ALDH1A3: variants seen among roughly 807,000 people sequenced by gnomAD.
ALDH1A3 encodes the protein aldehyde dehydrogenase 1 family member A3.
In ALDH1A3, 28 loss-of-function variants were observed where a neutral mutation model predicts 57.5. That is an observed-to-expected ratio of 0.49 (90% CI 0.36 to 0.67). ALDH1A3 has a LOEUF of 0.67. Among genes scored for constraint, ALDH1A3 ranks in the 30% least tolerant of loss-of-function variants. ALDH1A3 has a pLI of 0.00. For synonymous variants in ALDH1A3, 281 were observed against 264.8 expected, an observed-to-expected ratio of 1.06 and a Z score of -0.59; for missense variants, 507 against 669.4, an observed-to-expected ratio of 0.76 and a Z score of 2.68.
chr15:100,897,145 C>T (rs1245820404), intron 7 of ALDH1A3, among the ~76,000 whole-genome samples: 1 of 152,252 alleles, frequency 6.6e-6, no homozygotes, highest in African/African-American at 2.4e-5. Context: ...TGCTGTTACT[C>T]TCCTTGGAGA....
Position 100,915,011 on chromosome 15 carries a change from A to G in ALDH1A3, c.*238A>G. ...CTGCCTGGGGAGGGAGCTGTTGGCC[A>G]TTTCTGTGTTTCCCTTTAAACCAGA... On this transcript the variant is annotated 3_prime_UTR_variant, in exon 13 of 13. Coordinates refer to ENST00000329841, the MANE Select transcript of ALDH1A3 (RefSeq NM_000693.4). 1 of 530,266 alleles carries G rather than the reference A, an allele frequency of 1.9e-6. No individual in the cohort carries two copies. The highest frequency in any genetic ancestry group is 3.4e-6 in the Non-Finnish European group (1 of 293,992). The allele number at this position is 530,266 out of a possible 1,614,324, so 32.8% of individuals were successfully genotyped here. A position where few individuals can be genotyped will look rare whatever the true frequency, so the allele number is the denominator to read the frequency against.
chr15:100,892,273 T>TGTC, intron 3 of ALDH1A3: 1 of 512,978 alleles, frequency 1.9e-6, no homozygotes. Context: ...GTCTATGTTT[T>TGTC]AGCCCACCAC....
Position 100,885,341 on chromosome 15 carries a change from G to T in ALDH1A3, c.174G>T (p.Glu58Asp). The change falls in exon 2 of 13, where the codon GAG becomes GAT. Residue 58 changes from glutamate (E) to aspartate (D), a missense_variant. This residue lies in a region of ALDH1A3 where 432 missense variants were observed against 608.4 expected (regional missense o/e 0.71). Coordinates refer to ENST00000329841, the MANE Select transcript of ALDH1A3 (RefSeq NM_000693.4). ...CTACATGTAACCCTTCAACTCGGGA[G>T]CAAATATGTGAAGTGGAAGAAGGAG... ...KFATCNPSTR[E>D]QICEVEEGDK... 1 of 1,613,328 alleles carries T rather than the reference G, an allele frequency of 6.2e-7. No homozygotes were observed.
intron 12 of ALDH1A3, among the ~76,000 whole-genome samples, chr15:100,909,422 CTGTG>C (rs1567174617): frequency 1.4e-5 from 2 of 147,298 alleles, no homozygotes; most frequent in Admixed American, 6.8e-5. Flanking sequence ...AACCCCTCCA[CTGTG>C]TGTGCAAACC....
Position 100,893,609 on chromosome 15 carries a change from C to G in ALDH1A3, c.538-345C>G, listed in dbSNP as rs116827171. On this transcript the variant is annotated intron_variant, in intron 5 of 12. Transcript: ENST00000329841. The surrounding 1 kb of genome is among the most constrained non-coding windows in gnomAD (Gnocchi z 4.8). ...AGCCTCTGGCCATTGCAACAACAGC[C>G]AGGCAGGAAGCTGAAGAGCCAGGTG... 706 of 211,832 alleles carry G rather than the reference C, an allele frequency of 3.3e-3. 8 individuals carry two copies. The highest frequency in any genetic ancestry group is 0.015 in the African/African-American group (651 of 43,802). 13.1% of individuals were successfully genotyped at this position (211,832 alleles called of 1,614,324 possible).
chr15:100,888,204 T>C (rs2041615596), intron 3 of ALDH1A3, among the ~76,000 whole-genome samples: 1 of 152,152 alleles, frequency 6.6e-6, no homozygotes, highest in Non-Finnish European at 1.5e-5. Flanking sequence ...GTTAAAATGA[T>C]TCTCTTGCCT....
chr15:100,891,574 C>A (rs2041650451), intron 3 of ALDH1A3, among the ~76,000 whole-genome samples: 1 of 152,246 alleles, frequency 6.6e-6, no homozygotes, highest in Non-Finnish European at 1.5e-5. Flanking sequence ...GGAATGCAGT[C>A]ATGGAGCTCA....
At position 100,889,058 on chromosome 15, in the gene ALDH1A3, G is replaced by C. The variant is rs571286349; in HGVS notation, c.345+1346G>C. 5 of 152,360 alleles carry C rather than the reference G, an allele frequency of 3.3e-5. No homozygotes were observed. The highest frequency in any genetic ancestry group is 7.2e-5 in the African/African-American group (3 of 41,582). The allele number at this position is 152,360 out of a possible 1,614,324, so 9.4% of individuals were successfully genotyped here. On this transcript the variant is annotated intron_variant, in intron 3 of 12. Coordinates refer to ENST00000329841, the MANE Select transcript of ALDH1A3 (RefSeq NM_000693.4). The surrounding 1 kb of genome is among the most constrained non-coding windows in gnomAD (Gnocchi z 5.1). ...GACCCTCCTCTGGTCATGAGGGAGTGATCAGAGGACATCTCAGGGCCACGT... is the reference window on the plus strand; with the variant it reads ...GACCCTCCTCTGGTCATGAGGGAGTCATCAGAGGACATCTCAGGGCCACGT...
chr15:100,897,466 G>A (rs1488013190), intron 7 of ALDH1A3, among the ~76,000 whole-genome samples: 1 of 152,256 alleles, frequency 6.6e-6, no homozygotes, highest in Non-Finnish European at 1.5e-5. Flanking sequence ...GGGGCCTTGA[G>A]CATGACTGGT....
At chr15:100,888,531 A>T (rs2041619251) in intron 3 of ALDH1A3, 1 of 152,252 alleles carries the variant, frequency 6.6e-6, no homozygotes, top group Non-Finnish European at 1.5e-5. Context: ...CACTTAACAT[A>T]GAAAAAATTG....
At position 100,905,616 on chromosome 15, in the gene ALDH1A3, G is replaced by T; in HGVS notation, c.1162G>T (p.Asp388Tyr). The T allele has an allele frequency of 6.2e-7, 1 of 1,613,266 alleles. No individual in the cohort carries two copies. Among genetic ancestry groups the T allele is most frequent in the African/African-American group, 1.3e-5 (1 of 74,982 alleles). The change falls in exon 10 of 13, where the codon GAC becomes TAC. Residue 388 changes from aspartate (D) to tyrosine (Y), a missense_variant. By Grantham distance (160) the Asp-to-Tyr change is radical. Coordinates refer to ENST00000329841, the MANE Select transcript of ALDH1A3 (RefSeq NM_000693.4). Reference sequence around the variant, plus strand: ...GGAATGCGGGGGCTCAGCCATGGAAGACAAGGGGCTCTTCATCAAACCCAC... The same window carrying T: ...GGAATGCGGGGGCTCAGCCATGGAATACAAGGGGCTCTTCATCAAACCCAC... Reference protein sequence around the residue: ...KLECGGSAMEDKGLFIKPTVF... With the variant: ...KLECGGSAMEYKGLFIKPTVF...
chr15:100,914,002 G>A (rs7176046), intron 12 of ALDH1A3: 2 of 152,208 alleles, frequency 1.3e-5, no homozygotes, highest in African/African-American at 4.8e-5. Flanking sequence ...CCCTGAAGAC[G>A]GCCCATGGTG....
intron 1 of ALDH1A3, among the ~76,000 whole-genome samples, chr15:100,883,649 T>G (rs62019419): frequency 5.2e-4 from 39 of 74,426 alleles, no homozygotes; most frequent in East Asian, 1.2e-3. Context: ...TTTTTGTGGG[T>G]TTTTTTTTTT....
In ALDH1A3 at chr15:100,879,923, G is replaced by A. The variant is rs990181521; in HGVS notation, c.16G>A (p.Gly6Arg). The A allele has an allele frequency of 6.8e-7, 1 of 1,463,308 alleles. No homozygotes were observed. Among genetic ancestry groups the A allele is most frequent in the Non-Finnish European group, 9.0e-7 (1 of 1,106,092 alleles). The allele number at this position is 1,463,308 out of a possible 1,614,324, so 90.6% of individuals were successfully genotyped here. MATAN[G>R]AVENGQPDRK... Reference sequence around the variant, plus strand: ...CGGAGGAGCCATGGCCACCGCTAACGGGGCCGTGGAAAACGGGCAGCCGGA... The same window carrying A: ...CGGAGGAGCCATGGCCACCGCTAACAGGGCCGTGGAAAACGGGCAGCCGGA... The change falls in exon 1 of 13, where the codon GGG becomes AGG. Residue 6 changes from glycine to arginine, a missense_variant. By Grantham distance (125) the Gly-to-Arg change is moderately radical. Coordinates refer to ENST00000329841, the MANE Select transcript of ALDH1A3 (RefSeq NM_000693.4).
intron 10 of ALDH1A3, 100 bp from the exon 11 acceptor site, chr15:100,907,021 T>G (rs1025505537): frequency 3.7e-6 from 5 of 1,364,716 alleles, no homozygotes; most frequent in Non-Finnish European, 5.0e-6. Context: ...GTGTGTGCTC[T>G]GGGCATATGA....
Position 100,889,342 on chromosome 15 carries a change from G to T in ALDH1A3, c.345+1630G>T, listed in dbSNP as rs2041626682. On this transcript the variant is annotated intron_variant, in intron 3 of 12. Coordinates refer to ENST00000329841, the MANE Select transcript of ALDH1A3 (RefSeq NM_000693.4). This position sits in a 1 kb window ranked among gnomAD's most constrained non-coding sequence, Gnocchi z 5.1. ...GAGGAACTCTCAGGCCGTACTCTTG[G>T]GTGCATTTCCCTAAGGGTGCATCCA... Among the ~76,000 whole-genome samples the T allele has an allele frequency of 6.6e-6, 1 of 152,060 alleles. No individual in the cohort carries two copies. Among genetic ancestry groups the T allele is most frequent in the Admixed American group, 6.6e-5 (1 of 15,262 alleles).
In ALDH1A3 at chr15:100,892,199, C is replaced by T. The variant is rs1886; in HGVS notation, c.346-311C>T. 0.02 allele frequency: 6,565 copies of T among 324,680 alleles called. 92 individuals are homozygous for T. Among genetic ancestry groups the T allele is most frequent in the Middle Eastern group, 0.033 (89 of 2,704 alleles). The allele number at this position is 324,680 out of a possible 1,614,324, so 20.1% of individuals were successfully genotyped here. ...AGATGGAAGATCAGATGCCAGTGTG[C>T]GTTCCTTCCCAGCACAGCTTTAAAT... On this transcript the variant is annotated intron_variant, in intron 3 of 12. Transcript: ENST00000329841.
intron 9 of ALDH1A3, among the ~76,000 whole-genome samples, chr15:100,903,165 G>C (rs1244885950): frequency 1.3e-5 from 1 of 75,748 alleles, no homozygotes; most frequent in Non-Finnish European, 2.5e-5. Context: ...CCCCACCTTT[G>C]TACACCTGGT....
At chr15:100,904,514 G>C (rs1289831418) in intron 9 of ALDH1A3, among the ~76,000 whole-genome samples, 1 of 152,186 alleles carries the variant, frequency 6.6e-6, no homozygotes, top group African/African-American at 2.4e-5. Context: ...AATGAAACCA[G>C]TTTTCCCATC....
Sources: allele counts gnomAD v4.1 joint callset (sites outside exome capture counted in the v4.1 genomes callset), GRCh38; gene constraint gnomAD v4.1.1; regional missense constraint gnomAD v4.1.1; non-coding constraint Gnocchi (gnomAD v3.1); transcripts MANE v1.5; gene names NCBI Gene and HGNC (gene_info 2026-07-23, HGNC 2026-07-21).